PGM5: variants seen among roughly 807,000 people sequenced by gnomAD.
The protein encoded by PGM5 is phosphoglucomutase 5, also known as phosphoglucomutase-like protein 5.
A neutral mutation model predicts 59.2 loss-of-function variants in PGM5; 23 were observed. The observed-to-expected ratio is 0.39, with a 90% confidence interval of 0.28 to 0.55. The LOEUF (loss-of-function observed/expected upper bound fraction) is 0.55. Among genes scored for constraint, PGM5 ranks in the 20% least tolerant of loss-of-function variants. The pLI, the probability that PGM5 is intolerant of heterozygous loss-of-function variation, is 0.66. For missense variants in PGM5, 574 were observed against 748.3 expected (o/e 0.77, Z 2.72); for synonymous variants, 214 against 286.0 (o/e 0.75, Z 2.54).
chr9:68,383,548 T>C (rs550447269), intron 2 of PGM5, among the ~76,000 whole-genome samples: 1 of 152,002 alleles, frequency 6.6e-6, no homozygotes, highest in Admixed American at 6.6e-5. Context: ...GATTGAGATA[T>C]TTTAAAAATC....
intron 6 of PGM5, among the ~76,000 whole-genome samples, chr9:68,411,914 T>C (rs1269265070): frequency 4.0e-5 from 6 of 150,042 alleles, no homozygotes; most frequent in African/African-American, 1.2e-4. Context: ...CCACAACTTC[T>C]TTGTTTTTAT....
At chr9:68,490,662 C>T (rs1432736461) in intron 9 of PGM5, among the ~76,000 whole-genome samples, 1 of 152,196 alleles carries the variant, frequency 6.6e-6, no homozygotes, top group Non-Finnish European at 1.5e-5. Context: ...ACCTCAACTT[C>T]AACTTTGATC....
At chr9:68,438,397 C>T (rs1823473535) in intron 6 of PGM5, among the ~76,000 whole-genome samples, 1 of 148,674 alleles carries the variant, frequency 6.7e-6, no homozygotes, top group Admixed American at 6.7e-5. Flanking sequence ...TGTGTATCAA[C>T]ATTTCCTGTG....
In PGM5 at chr9:68,456,379, T is replaced by C. The variant is rs74900024; in HGVS notation, c.1044-8714T>C. 0.011 allele frequency among the ~76,000 whole-genome samples: 1,688 copies of C among 151,836 alleles called. 97 individuals carry two copies. The East Asian group carries it at 0.16, about 15-fold the overall frequency. Reference sequence around the variant, plus strand: ...AGGCTGAAGTGCAGTGGCGAGATCTTGGCTCACTGCAATCTCCGCCTCCCA... The same window carrying C: ...AGGCTGAAGTGCAGTGGCGAGATCTCGGCTCACTGCAATCTCCGCCTCCCA... On this transcript the variant is annotated intron_variant, in intron 6 of 10. Coordinates refer to ENST00000396396, the MANE Select transcript of PGM5 (RefSeq NM_021965.4).
intron 1 of PGM5, among the ~76,000 whole-genome samples, chr9:68,377,619 G>T (rs1821955466): frequency 6.6e-6 from 1 of 152,154 alleles, no homozygotes; most frequent in Admixed American, 6.5e-5. Context: ...TGCTTAGCAT[G>T]ACTGGGTAAT....
intron 4 of PGM5, among the ~76,000 whole-genome samples, chr9:68,390,704 C>T (rs1244257988): frequency 6.6e-6 from 1 of 152,176 alleles, no homozygotes; most frequent in Non-Finnish European, 1.5e-5. Flanking sequence ...TTCCCTTGCT[C>T]ATAATGTTCC....
At chr9:68,501,277 T>A (rs1197595217) in intron 10 of PGM5, among the ~76,000 whole-genome samples, 2 of 152,190 alleles carry the variant, frequency 1.3e-5, no homozygotes, top group Admixed American at 6.5e-5. Context: ...GAACTCCTTG[T>A]TAAAATACCA....
intron 6 of PGM5, among the ~76,000 whole-genome samples, chr9:68,414,959 C>T (rs1233590289): frequency 3.4e-5 from 5 of 148,040 alleles, no homozygotes; most frequent in Admixed American, 3.3e-4. Flanking sequence ...CATTATGAAG[C>T]ATTAGTTGAA....
In PGM5 at chr9:68,524,280, T is replaced by A. The variant is rs534572038; in HGVS notation, c.1615-5287T>A. 5.9e-5 allele frequency among the ~76,000 whole-genome samples: 9 copies of A among 152,196 alleles called. No individual in the cohort carries two copies. In the East Asian group the frequency reaches 1.7e-3, roughly 29 times the overall value. On this transcript the variant is annotated intron_variant, in intron 10 of 10. Coordinates refer to ENST00000396396, the MANE Select transcript of PGM5 (RefSeq NM_021965.4). ...CAAAAAATTCATGATAAACATAGTG[T>A]CAAAACTTTAAATAGAGAGAGGATC...
At chr9:68,529,544 A>T (rs769949435) in intron 10 of PGM5, 23 bp from the exon 11 acceptor site, 2 of 1,545,110 alleles carry the variant, frequency 1.3e-6, no homozygotes, top group Admixed American at 1.8e-5. Context: ...AGTTGTTCAC[A>T]GACTTTCCTT....
chr9:68,359,357 A>T (rs1188819189), intron 1 of PGM5, among the ~76,000 whole-genome samples: 24 of 152,108 alleles, frequency 1.6e-4, no homozygotes, highest in African/African-American at 5.6e-4. Context: ...AGAAGCATCG[A>T]CTCTTAAATA....
At chr9:68,399,780 G>T (rs2261737) in intron 6 of PGM5, among the ~76,000 whole-genome samples, 1 of 152,212 alleles carries the variant, frequency 6.6e-6, no homozygotes, top group Admixed American at 6.5e-5. Context: ...TTACTCCTGA[G>T]TTCGATAGCC....
Position 68,489,753 on chromosome 9 carries a change from C to G in PGM5, c.1479+5705C>G, listed in dbSNP as rs556003142. ...AACCAACTCCTATATTTCTAACAAGCTCAAAAATCATGAAACTCTTCCAGT... is the reference window on the plus strand; with the variant it reads ...AACCAACTCCTATATTTCTAACAAGGTCAAAAATCATGAAACTCTTCCAGT... On this transcript the variant is annotated intron_variant, in intron 9 of 10. Coordinates refer to ENST00000396396, the MANE Select transcript of PGM5 (RefSeq NM_021965.4). 2.0e-5 allele frequency among the ~76,000 whole-genome samples: 3 copies of G among 152,266 alleles called. No homozygotes were observed. The South Asian group carries it at 6.2e-4, about 32-fold the overall frequency.
intron 7 of PGM5, among the ~76,000 whole-genome samples, chr9:68,472,489 G>A (rs143338101): frequency 9.9e-5 from 15 of 152,272 alleles, no homozygotes; most frequent in African/African-American, 3.6e-4. Context: ...TAGACAAATA[G>A]CTTAGCTTCT....
intron 7 of PGM5, among the ~76,000 whole-genome samples, chr9:68,476,348 T>C (rs1279019009): frequency 6.6e-6 from 1 of 152,246 alleles, no homozygotes; most frequent in Non-Finnish European, 1.5e-5. Flanking sequence ...TTTCTCTTTT[T>C]CTTATTGACC....
intron 6 of PGM5, among the ~76,000 whole-genome samples, chr9:68,413,585 C>G (rs1328124989): frequency 1.3e-5 from 2 of 152,200 alleles, no homozygotes; most frequent in Non-Finnish European, 2.9e-5. Context: ...AAGTTTGTAT[C>G]TGACACTTAA....
At chr9:68,414,098 CT>C (rs1488105207) in intron 6 of PGM5, among the ~76,000 whole-genome samples, 4 of 152,140 alleles carry the variant, frequency 2.6e-5, no homozygotes, top group African/African-American at 9.7e-5. Context: ...CACCTTCTTG[CT>C]TCCTCTCTCT....
intron 7 of PGM5, among the ~76,000 whole-genome samples, chr9:68,470,242 C>T (rs1347914721): frequency 6.6e-6 from 1 of 152,156 alleles, no homozygotes. Flanking sequence ...CCATGTTCAA[C>T]AGTGGGCTAG....
intron 6 of PGM5, among the ~76,000 whole-genome samples, chr9:68,434,532 T>A (rs764833939): frequency 6.6e-6 from 1 of 151,494 alleles, no homozygotes; most frequent in African/African-American, 2.4e-5. Flanking sequence ...CTTGGCTTGG[T>A]GCGGTGGCTC....
Sources: allele counts gnomAD v4.1 joint callset (sites outside exome capture counted in the v4.1 genomes callset), GRCh38; gene constraint gnomAD v4.1.1; transcripts MANE v1.5; gene names NCBI Gene and HGNC (gene_info 2026-07-23, HGNC 2026-07-21).